The following CGAS variants were observed in gnomAD, a reference collection of about 807,000 sequenced individuals.
CGAS encodes the protein cyclic GMP-AMP synthase.
CGAS carries 31 observed loss-of-function variants against 34.0 expected under a neutral mutation model. The ratio of observed to expected loss-of-function variants is 0.91; its 90% CI spans 0.69 to 1.23. The LOEUF is 1.23. CGAS is among the 50% of genes most tolerant of loss of function. The probability of loss-of-function intolerance (pLI) is 0.00; values close to 1 mark genes in which losing one functional copy is unlikely to be tolerated. For missense variants in CGAS, 597 were observed against 657.6 expected (o/e 0.91, Z 1.01); for synonymous variants, 266 against 260.0 (o/e 1.02, Z -0.22).
At chr6:73,433,463 C>T (rs921009733) in intron 3 of CGAS, among the ~76,000 whole-genome samples, 1 of 150,476 alleles carries the variant, frequency 6.6e-6, no homozygotes, top group African/African-American at 2.4e-5. Flanking sequence ...TCACAACTCT[C>T]TATAAAAACT....
chr6:73,448,769 C>T (rs1770510012), intron 1 of CGAS, among the ~76,000 whole-genome samples: 1 of 152,042 alleles, frequency 6.6e-6, no homozygotes, highest in Non-Finnish European at 1.5e-5. Flanking sequence ...CTGTACCTGG[C>T]CCACATATAT....
chr6:73,440,791 A>G (rs933365999), intron 2 of CGAS, among the ~76,000 whole-genome samples: 2 of 151,874 alleles, frequency 1.3e-5, no homozygotes, highest in Non-Finnish European at 2.9e-5. Context: ...AATCCCAGCT[A>G]CTCGGGAGGC....
chr6:73,429,937 A>G (rs1490568794), intron 3 of CGAS, among the ~76,000 whole-genome samples: 1 of 152,100 alleles, frequency 6.6e-6, no homozygotes, highest in Non-Finnish European at 1.5e-5. Context: ...TATAATCTGA[A>G]TGATTTTTCA....
intron 2 of CGAS, among the ~76,000 whole-genome samples, chr6:73,443,782 G>A (rs532044634): frequency 6.6e-5 from 10 of 152,328 alleles, no homozygotes; most frequent in African/African-American, 1.9e-4. Context: ...TGCAGTGAGT[G>A]CTCTGAAGGG....
At chr6:73,449,277 C>A (rs1382484717) in intron 1 of CGAS, among the ~76,000 whole-genome samples, 1 of 151,698 alleles carries the variant, frequency 6.6e-6, no homozygotes, top group African/African-American at 2.4e-5. Flanking sequence ...GAGATAGAGA[C>A]CAGCCTGGCT....
rs1394827882 is a variant in CGAS, at chr6:73,424,796, GTTA to G, written c.*428_*430del. ...CCAATTATTACAGTCACTAATTTTT[GTTA>G]TTTTGTTGCTTTTCTAAAAAATTAT... On this transcript the variant is annotated 3_prime_UTR_variant, in exon 5 of 5. Coordinates refer to ENST00000370315, the MANE Select transcript of CGAS (RefSeq NM_138441.3). 1.3e-5 allele frequency: 2 copies of G among 151,796 alleles called. No homozygotes were observed. The highest frequency in any genetic ancestry group is 2.9e-5 in the Non-Finnish European group (2 of 67,936). The allele number at this position is 151,796 out of a possible 1,614,324, so 9.4% of individuals were successfully genotyped here. A position where few individuals can be genotyped will look rare whatever the true frequency, so the allele number is the denominator to read the frequency against.
At chr6:73,425,630 A>G (rs755008511) in intron 4 of CGAS, 52 bp from the exon 5 acceptor site, 1 of 1,224,768 alleles carries the variant, frequency 8.2e-7, no homozygotes, top group South Asian at 1.4e-5. Flanking sequence ...CATTCAACAA[A>G]GGATTTTAGG....
rs1029193066 is a variant in CGAS at position 73,424,445 on chromosome 6, A to AG, written c.*781_*782insC. On this transcript the variant is annotated 3_prime_UTR_variant, in exon 5 of 5. Transcript: ENST00000370315. Reference sequence around the variant, plus strand: ...CGAGACTCCATCTAAAAAAAAAAAAAAAAAATTATGTATTTCCTGGCCAGG... The same window carrying AG: ...CGAGACTCCATCTAAAAAAAAAAAAAGAAAAATTATGTATTTCCTGGCCAGG... 28 of 152,286 alleles carry AG rather than the reference A, an allele frequency of 1.8e-4. No homozygotes were observed. Among genetic ancestry groups the AG allele is most frequent in the African/African-American group, 6.7e-4 (28 of 41,520 alleles). 9.4% of individuals were successfully genotyped at this position (152,286 alleles called of 1,614,324 possible). A position where few individuals can be genotyped will look rare whatever the true frequency, so the allele number is the denominator to read the frequency against.
chr6:73,434,023 C>G (rs1220812131), intron 3 of CGAS, among the ~76,000 whole-genome samples: 1 of 152,062 alleles, frequency 6.6e-6, no homozygotes, highest in South Asian at 2.1e-4. Context: ...TCTCAGACAC[C>G]CTTGGAGAAA....
Position 73,425,148 on chromosome 6 carries a change from TG to T in CGAS, c.*78del. 9.4e-7 allele frequency: 1 copy of T among 1,068,194 alleles called. No individual in the cohort carries two copies. The highest frequency in any genetic ancestry group is 1.3e-6 in the Non-Finnish European group (1 of 751,734). 66.2% of individuals were successfully genotyped at this position (1,068,194 alleles called of 1,614,324 possible). On this transcript the variant is annotated 3_prime_UTR_variant, in exon 5 of 5. Coordinates refer to ENST00000370315, the MANE Select transcript of CGAS (RefSeq NM_138441.3). ...GATTACAGGTGTGAGCCACAGCGTC[TG>T]GCCCCTTTTCAAATTTTTCTTGTAT...
chr6:73,445,795 T>C, intron 1 of CGAS, 48 bp from the exon 2 acceptor site: 3 of 1,384,966 alleles, frequency 2.2e-6, no homozygotes, highest in South Asian at 2.6e-5. Flanking sequence ...ATGAATATTT[T>C]CCAAGTGACT....
Position 73,425,106 on chromosome 6 carries a change from G to T in CGAS, c.*121C>A. On this transcript the variant is annotated 3_prime_UTR_variant, in exon 5 of 5. Coordinates refer to ENST00000370315, the MANE Select transcript of CGAS (RefSeq NM_138441.3). ...TGACCTCAAGTGATCCGCCTGCCTC[G>T]GCCTCCAAAGAGCTGGGATTACAGG... 2 of 666,984 alleles carry T rather than the reference G, an allele frequency of 3.0e-6. No individual in the cohort carries two copies. The highest frequency in any genetic ancestry group is 4.8e-6 in the Non-Finnish European group (2 of 414,050). 41.3% of individuals were successfully genotyped at this position (666,984 alleles called of 1,614,324 possible).
At chr6:73,425,980 G>GAAAACA (rs1191469444) in intron 4 of CGAS, among the ~76,000 whole-genome samples, 7 of 142,280 alleles carry the variant, frequency 4.9e-5, no homozygotes, top group Non-Finnish European at 7.7e-5. Flanking sequence ...GTCACACACA[G>GAAAACA]AAAACAAAAA....
intron 1 of CGAS, among the ~76,000 whole-genome samples, chr6:73,449,476 A>AACACACACACACACACACACACACAC (rs144519687): frequency 1.4e-5 from 2 of 142,900 alleles, no homozygotes; most frequent in African/African-American, 5.1e-5. Flanking sequence ...CTCTGTCTCA[A>AACACACACACACACACACACACACAC]ACACACACAC....
At chr6:73,443,403 T>C (rs923298252) in intron 2 of CGAS, among the ~76,000 whole-genome samples, 2 of 151,832 alleles carry the variant, frequency 1.3e-5, no homozygotes, top group Non-Finnish European at 2.9e-5. Flanking sequence ...CACGCCCGGC[T>C]AGTTTTTTGT....
rs1433215636 is a variant in CGAS at position 73,425,368 on chromosome 6, C to T, written c.1428G>A (p.Arg476=). ...TAAAATAATTCTCAAGTTTTTCTGTCCTGAGGCACTGAAGAAAGTATGTCA... is the reference window on the plus strand; with the variant it reads ...TAAAATAATTCTCAAGTTTTTCTGTTCTGAGGCACTGAAGAAAGTATGTCA... ...NCVTYFLQCL[R]TEKLENYFIP... is the part of the protein sequence containing the mutation. Residue 476 remains arginine, a synonymous_variant, in exon 5 of 5, where the codon AGG becomes AGA. Coordinates refer to ENST00000370315, the MANE Select transcript of CGAS (RefSeq NM_138441.3). 8 of 1,612,976 alleles carry T rather than the reference C, an allele frequency of 5.0e-6. No individual in the cohort carries two copies. Among genetic ancestry groups the T allele is most frequent in the Non-Finnish European group, 6.8e-6 (8 of 1,179,826 alleles).
rs779657218 is a variant in CGAS, at chr6:73,425,394, C to G, written c.1402G>C (p.Val468Leu). The change falls in exon 5 of 5, where the codon GTG (valine) becomes CTG (leucine). Residue 468 changes from valine to leucine, a missense_variant. Val to Leu is a conservative substitution (Grantham distance 32, BLOSUM62 1). Around this residue, in one of 3 missense-constraint regions of CGAS, gnomAD observed 271 missense variants for 324.1 expected, o/e 0.84. Coordinates refer to ENST00000370315, the MANE Select transcript of CGAS (RefSeq NM_138441.3). ...CTGAGGCACTGAAGAAAGTATGTCA[C>G]GCAGTTATCAAAGCAGAGGCCCAGG... is the stretch of plus-strand genomic sequence containing the variant. Reference protein sequence around the residue: ...KDLGLCFDNCVTYFLQCLRTE... With the variant: ...KDLGLCFDNCLTYFLQCLRTE... 1.9e-6 allele frequency: 3 copies of G among 1,613,852 alleles called. No individual in the cohort carries two copies. The Admixed American group carries it at 5.0e-5, about 27-fold the overall frequency.
chr6:73,440,166 C>T, intron 3 of CGAS, 43 bp downstream of exon 3: 1 of 1,539,876 alleles, frequency 6.5e-7, no homozygotes, highest in Non-Finnish European at 8.9e-7. Context: ...ATAACATTAA[C>T]AACTCTTTTA....
At chr6:73,445,243 CATTTA>C (rs1244215471) in intron 2 of CGAS, among the ~76,000 whole-genome samples, 1 of 151,656 alleles carries the variant, frequency 6.6e-6, no homozygotes, top group Non-Finnish European at 1.5e-5. Flanking sequence ...ATAATTTAAT[CATTTA>C]ATTTAATCAA....
Sources: allele counts gnomAD v4.1 joint callset (sites outside exome capture counted in the v4.1 genomes callset), GRCh38; gene constraint gnomAD v4.1.1; regional missense constraint gnomAD v4.1.1; transcripts MANE v1.5; gene names NCBI Gene and HGNC (gene_info 2026-07-23, HGNC 2026-07-21).